Variants in PPP6R1 observed in about 807,000 individuals in gnomAD.
PPP6R1 encodes the protein protein phosphatase 6 regulatory subunit 1.
In PPP6R1, 39 loss-of-function variants were observed where a neutral mutation model predicts 104.6. The observed-to-expected ratio is 0.37, with a 90% CI of 0.29 to 0.49. The LOEUF is 0.49. PPP6R1 is among the 20% of genes least tolerant of loss of function. PPP6R1 has a pLI of 0.98. For synonymous variants in PPP6R1, 549 were observed against 479.0 expected, an observed-to-expected ratio of 1.15 and a Z score of -1.91; for missense variants, 1,181 against 1,155.8, an observed-to-expected ratio of 1.02 and a Z score of -0.32.
At chr19:55,246,846 G>C in intron 2 of PPP6R1, 31 bp downstream of exon 2, 1 of 1,519,834 alleles carries the variant, frequency 6.6e-7, no homozygotes, top group Admixed American at 2.0e-5. Context: ...ATGCTGATAG[G>C]GACGGGCTGG....
rs913998524 is a variant in PPP6R1 at position 55,242,579 on chromosome 19, C to A, written c.619-91G>T. 5 of 1,130,854 alleles carry A rather than the reference C, an allele frequency of 4.4e-6. No individual in the cohort carries two copies. In the African/African-American group the frequency reaches 7.6e-5, roughly 17 times the overall value. The allele number at this position is 1,130,854 out of a possible 1,614,324, so 70.1% of individuals were successfully genotyped here. ...GGAGCCCCTCCCATGAGCTGACCAT[C>A]CAGGGAAAAATGGTCACCCAGACAC... On this transcript the variant is annotated intron_variant, in intron 5 of 23. Transcript: ENST00000412770.
In PPP6R1 at chr19:55,231,391, G is replaced by A. The variant is rs2087344362; in HGVS notation, c.2459+19C>T. 2 of 1,574,084 alleles carry A rather than the reference G, an allele frequency of 1.3e-6. No homozygotes were observed. The highest frequency in any genetic ancestry group is 1.7e-6 in the Non-Finnish European group (2 of 1,160,150). On this transcript the variant is annotated intron_variant, in intron 21 of 23. Transcript: ENST00000412770. ...AAAAGACTTCTCCCGATACTAGGCA[G>A]CCCCACCTCGCTGCTCACCTGTCCG...
chr19:55,251,305 C>G (rs2087551599), intron 1 of PPP6R1, among the ~76,000 whole-genome samples: 1 of 152,226 alleles, frequency 6.6e-6, no homozygotes, highest in Non-Finnish European at 1.5e-5. Context: ...CAGCACCTAG[C>G]ATGGAACCTG....
chr19:55,241,729 T>C lies in PPP6R1; in HGVS notation c.846-90A>G. On this transcript the variant is annotated intron_variant, in intron 7 of 23. Coordinates refer to ENST00000412770, the MANE Select transcript of PPP6R1 (RefSeq NM_014931.4). This position sits in a 1 kb window ranked among gnomAD's most constrained non-coding sequence, Gnocchi z 5.4. The stretch of plus-strand genomic sequence containing the variant: ...GCACAAGGACCACGTCTGCAGGGTC[T>C]GGAGGAAAACGAGGAGCCACATGCC... 1.4e-6 allele frequency: 2 copies of C among 1,409,378 alleles called. No homozygotes were observed. Among genetic ancestry groups the C allele is most frequent in the Non-Finnish European group, 9.4e-7 (1 of 1,060,356 alleles). The allele number at this position is 1,409,378 out of a possible 1,614,324, so 87.3% of individuals were successfully genotyped here. A position where few individuals can be genotyped will look rare whatever the true frequency, so the allele number is the denominator to read the frequency against.
At chr19:55,255,028 G>A (rs894070767) in intron 1 of PPP6R1, among the ~76,000 whole-genome samples, 2 of 152,200 alleles carry the variant, frequency 1.3e-5, no homozygotes, top group Non-Finnish European at 2.9e-5. Flanking sequence ...GAGGAGAAGG[G>A]GGAGCGGCCC....
At chr19:55,240,477 G>A (rs2087442806) in intron 10 of PPP6R1, among the ~76,000 whole-genome samples, 177 bp from the exon 11 acceptor site, 1 of 150,860 alleles carries the variant, frequency 6.6e-6, no homozygotes, top group South Asian at 2.1e-4. Context: ...ATCCACCCAA[G>A]TCTCTCTGGT....
At chr19:55,235,911 T>C (rs1462753402) in intron 17 of PPP6R1, among the ~76,000 whole-genome samples, 4 of 144,890 alleles carry the variant, frequency 2.8e-5, no homozygotes. Flanking sequence ...CGATCTCAAC[T>C]CACTGCAACC....
At chr19:55,254,470 A>G (rs2087577771) in intron 1 of PPP6R1, among the ~76,000 whole-genome samples, 1 of 151,992 alleles carries the variant, frequency 6.6e-6, no homozygotes, top group South Asian at 2.1e-4. Flanking sequence ...CTGCTTGGAC[A>G]GGCACTAACT....
intron 17 of PPP6R1, 160 bp from the exon 18 acceptor site, chr19:55,232,371 G>T (rs2087357373): frequency 9.0e-7 from 1 of 1,115,618 alleles, no homozygotes; most frequent in Non-Finnish European, 1.2e-6. Context: ...CACCAGGAGA[G>T]GCTGGGAGAG....
chr19:55,250,828 GC>G (rs1400262847), intron 1 of PPP6R1, among the ~76,000 whole-genome samples: 1 of 151,934 alleles, frequency 6.6e-6, no homozygotes, highest in Admixed American at 6.6e-5. Flanking sequence ...TTGACGGCAG[GC>G]CCCCCACACT....
chr19:55,250,150 TG>T (rs2087542213), intron 1 of PPP6R1, among the ~76,000 whole-genome samples: 1 of 152,126 alleles, frequency 6.6e-6, no homozygotes. Context: ...ATGATGTCGA[TG>T]GTATCAGCCA....
At position 55,236,913 on chromosome 19, in the gene PPP6R1, G is replaced by A. The variant is rs761824736; in HGVS notation, c.1809C>T (p.Asn603=). 25 of 1,612,810 alleles carry A rather than the reference G, an allele frequency of 1.6e-5. No homozygotes were observed. Among genetic ancestry groups the A allele is most frequent in the African/African-American group, 4.0e-5 (3 of 74,910 alleles). Residue 603 remains asparagine, a splice_region_variant and synonymous_variant, in exon 16 of 24, where the codon AAC becomes AAT. Coordinates refer to ENST00000412770, the MANE Select transcript of PPP6R1 (RefSeq NM_014931.4). ...ITFSLNADDE[N]PNANLLEICY... ...AACCAGGGGACAGGGCAGTACTCAC[G>A]TTCTCATCGTCAGCATTGAGGGAGA... is the stretch of plus-strand genomic sequence containing the variant.
intron 17 of PPP6R1, 31 bp from the exon 18 acceptor site, chr19:55,232,242 G>C (rs1286698283): frequency 6.6e-7 from 1 of 1,517,734 alleles, no homozygotes; most frequent in Admixed American, 2.0e-5. Context: ...TCAGCTAGCT[G>C]TGTGGGACAG....
Position 55,236,941 on chromosome 19 carries a change from G to T in PPP6R1, c.1781C>A (p.Thr594Asn), listed in dbSNP as rs756673132. ...NAPFDKTANITFSLNADDENP... is the reference protein window; with the variant it reads ...NAPFDKTANINFSLNADDENP... Reference sequence around the variant, plus strand: ...CTCATCGTCAGCATTGAGGGAGAAGGTGATGTTGGCTGTCTTGTCAAAAGG... The same window carrying T: ...CTCATCGTCAGCATTGAGGGAGAAGTTGATGTTGGCTGTCTTGTCAAAAGG... Residue 594 changes from threonine to asparagine, a missense_variant, in exon 16 of 24, where the codon ACC becomes AAC. By Grantham distance (65) the Thr-to-Asn change is moderately conservative (BLOSUM62 0). Coordinates refer to ENST00000412770, the MANE Select transcript of PPP6R1 (RefSeq NM_014931.4). The T allele has an allele frequency of 6.2e-7, 1 of 1,613,438 alleles. No individual in the cohort carries two copies. Among genetic ancestry groups the T allele is most frequent in the African/African-American group, 1.3e-5 (1 of 75,052 alleles).
chr19:55,230,300 C>G lies in PPP6R1; in HGVS notation c.*228G>C, dbSNP rs1445433948. ...CTCTCCATTCTCTCTATTTGACTCT[C>G]TGTATCTTTATTCTAGGAGGCAACG... On this transcript the variant is annotated 3_prime_UTR_variant, in exon 24 of 24. Coordinates refer to ENST00000412770, the MANE Select transcript of PPP6R1 (RefSeq NM_014931.4). 3 of 601,726 alleles carry G rather than the reference C, an allele frequency of 5.0e-6. No homozygotes were observed. The highest frequency in any genetic ancestry group is 1.9e-5 in the African/African-American group (1 of 53,884). The allele number at this position is 601,726 out of a possible 1,614,324, so 37.3% of individuals were successfully genotyped here.
chr19:55,242,591 G>A, intron 5 of PPP6R1, 103 bp from the exon 6 acceptor site: 1 of 959,740 alleles, frequency 1.0e-6, no homozygotes, highest in South Asian at 1.4e-5. Context: ...AGGGAAAAAT[G>A]GTCACCCAGA....
intron 1 of PPP6R1, among the ~76,000 whole-genome samples, chr19:55,253,357 A>G (rs911241160): frequency 6.6e-6 from 1 of 152,246 alleles, no homozygotes; most frequent in African/African-American, 2.4e-5. Flanking sequence ...TTCACTTCTA[A>G]GATACCTGAT....
At chr19:55,228,552 C>T, downstream of PPP6R1, 1 of 1,529,764 alleles carries the variant, frequency 6.5e-7, no homozygotes, top group Non-Finnish European at 8.8e-7. Context: ...ACAGGCTGGA[C>T]CCATTCAGGG....
rs1041901308 is a variant in PPP6R1 at position 55,246,944 on chromosome 19, G to A, written c.160C>T (p.Leu54=). 23 of 1,613,720 alleles carry A rather than the reference G, an allele frequency of 1.4e-5. No individual in the cohort carries two copies. Among genetic ancestry groups the A allele is most frequent in the Non-Finnish European group, 1.9e-5 (23 of 1,179,856 alleles). Residue 54 remains leucine, a synonymous_variant, in exon 2 of 24, where the codon CTG becomes TTG. Transcript: ENST00000412770. ...GTGACCCAGGCCACCATTGCTTGCA[G>A]GTGGGGTGGCTGCAGCAGGAAGTCC... is the stretch of plus-strand genomic sequence containing the variant. ...LLDFLLQPPH[L]QAMVAWVTQE... is the part of the protein sequence containing the mutation.
Sources: gnomAD v4.1 joint callset for allele counts (sites outside exome capture counted in the v4.1 genomes callset) on GRCh38, gnomAD v4.1.1 for gene constraint, Gnocchi (gnomAD v3.1) non-coding constraint, MANE v1.5 for transcripts, NCBI Gene and HGNC (gene_info 2026-07-23, HGNC 2026-07-21) for gene names.